Variants in BLK observed in about 807,000 individuals in gnomAD.
BLK encodes BLK proto-oncogene, Src family tyrosine kinase, also known as tyrosine-protein kinase Blk.
Under a neutral mutation model 61.8 loss-of-function variants are expected in BLK, and 64 were observed. That is an observed-to-expected ratio of 1.03 (90% CI 0.85 to 1.27). The LOEUF (loss-of-function observed/expected upper bound fraction) is 1.27. BLK is among the 50% of genes most tolerant of loss of function. The pLI is 0.00. For missense variants in BLK, 853 were observed against 660.5 expected (o/e 1.29, Z -3.19); for synonymous variants, 351 against 272.0 (o/e 1.29, Z -2.86).
chr8:11,503,485 T>C (rs1798643880), intron 1 of BLK, among the ~76,000 whole-genome samples: 1 of 152,178 alleles, frequency 6.6e-6, no homozygotes, highest in Admixed American at 6.5e-5. Flanking sequence ...AGGTGGGACG[T>C]GAGATGCTCT....
At chr8:11,524,118 G>C (rs1240980199) in intron 1 of BLK, among the ~76,000 whole-genome samples, 1 of 152,128 alleles carries the variant, frequency 6.6e-6, no homozygotes, top group Non-Finnish European at 1.5e-5. Flanking sequence ...TTGACCATTA[G>C]TGATTAAATA....
intron 1 of BLK, among the ~76,000 whole-genome samples, chr8:11,495,368 G>C (rs954917709): frequency 7.2e-5 from 11 of 152,314 alleles, no homozygotes; most frequent in African/African-American, 2.6e-4. Flanking sequence ...GGGAGAGTGG[G>C]ACTTAATTCC....
intron 6 of BLK, among the ~76,000 whole-genome samples, chr8:11,550,994 A>G (rs1032222642): frequency 2.6e-5 from 4 of 151,912 alleles, no homozygotes; most frequent in African/African-American, 9.7e-5. Context: ...TCACTCCCCC[A>G]CTTGGGCTCC....
In BLK at chr8:11,559,290, TAC is replaced by T. The variant is rs985559799; in HGVS notation, c.1029+1263_1029+1264del. Among the ~76,000 whole-genome samples, 9 of 151,042 alleles carry T rather than the reference TAC, an allele frequency of 6.0e-5. No homozygotes were observed. In the South Asian group the frequency reaches 1.0e-3, roughly 18 times the overall value. ...GCCAATGGCTCTCTAAGCACACATG[TAC>T]ACACACACACTCTCACACACATAAA... On this transcript the variant is annotated intron_variant, in intron 10 of 12. Coordinates refer to ENST00000259089, the MANE Select transcript of BLK (RefSeq NM_001715.3).
chr8:11,540,369 A>C (rs1800321386), intron 1 of BLK, among the ~76,000 whole-genome samples: 1 of 152,084 alleles, frequency 6.6e-6, no homozygotes, highest in Admixed American at 6.5e-5. Flanking sequence ...TATGTTTTTT[A>C]TTCTGCTCTG....
intron 10 of BLK, chr8:11,558,621 C>G (rs759473976): frequency 3.1e-5 from 14 of 455,530 alleles, no homozygotes; most frequent in Non-Finnish European, 6.2e-5. Flanking sequence ...CTTGGCTACC[C>G]AGGACTGGTC....
intron 1 of BLK, among the ~76,000 whole-genome samples, chr8:11,498,736 T>C (rs1798448238): frequency 6.6e-6 from 1 of 152,206 alleles, no homozygotes; most frequent in Non-Finnish European, 1.5e-5. Context: ...GCCTTACCTG[T>C]CTCGGGTAGG....
chr8:11,514,127 G>C (rs1342933857), intron 1 of BLK, among the ~76,000 whole-genome samples: 1 of 152,178 alleles, frequency 6.6e-6, no homozygotes. Flanking sequence ...AATGAGTGGA[G>C]GAAAATCCTT....
intron 1 of BLK, among the ~76,000 whole-genome samples, chr8:11,520,861 T>C (rs1799422195): frequency 6.6e-6 from 1 of 152,330 alleles, no homozygotes; most frequent in East Asian, 1.9e-4. Context: ...TCAATAGCTT[T>C]CTTTTTTTCA....
chr8:11,526,318 T>A lies in BLK; in HGVS notation c.-1-16906T>A, dbSNP rs545117152. On this transcript the variant is annotated intron_variant, in intron 1 of 12. Transcript: ENST00000259089. ...ATTTAAATGTTTACGTCTCAATTCA[T>A]TAGCTTTAGGCAGTATCTGAAGTTA... is the stretch of plus-strand genomic sequence containing the variant. 2.0e-4 allele frequency among the ~76,000 whole-genome samples: 30 copies of A among 152,354 alleles called. No homozygotes were observed. In the South Asian group the frequency reaches 6.2e-3, roughly 32 times the overall value.
chr8:11,522,353 G>C (rs1369228754), intron 1 of BLK, among the ~76,000 whole-genome samples: 1 of 152,134 alleles, frequency 6.6e-6, no homozygotes, highest in Non-Finnish European at 1.5e-5. Context: ...ACTAATGTTT[G>C]ACAATACGAG....
chr8:11,550,149 C>A lies in BLK; in HGVS notation c.369-10C>A, dbSNP rs750408108. ...CGCTCTGAGTTTCACCTGTTCCTGCCGTTTTCCAGGTGGTTCTTTAGATCA... is the reference window on the plus strand; with the variant it reads ...CGCTCTGAGTTTCACCTGTTCCTGCAGTTTTCCAGGTGGTTCTTTAGATCA... On this transcript the variant is annotated splice_polypyrimidine_tract_variant and intron_variant, in intron 5 of 12. Transcript: ENST00000259089. 1.2e-6 allele frequency: 2 copies of A among 1,613,286 alleles called. No individual in the cohort carries two copies. The highest frequency in any genetic ancestry group is 1.1e-5 in the South Asian group (1 of 91,066).
intron 6 of BLK, among the ~76,000 whole-genome samples, chr8:11,550,703 G>C (rs1040325620): frequency 1.3e-5 from 2 of 152,260 alleles, no homozygotes; most frequent in African/African-American, 4.8e-5. Context: ...TGATGTAAGA[G>C]AAGAGGGTGG....
intron 1 of BLK, among the ~76,000 whole-genome samples, chr8:11,521,146 A>C (rs187000922): frequency 8.5e-5 from 13 of 152,370 alleles, no homozygotes; most frequent in Admixed American, 4.6e-4. Context: ...AGTGATAAGG[A>C]AGGCAATTCA....
intron 1 of BLK, among the ~76,000 whole-genome samples, chr8:11,513,946 C>A (rs1320670270): frequency 6.6e-6 from 1 of 152,210 alleles, no homozygotes; most frequent in Non-Finnish European, 1.5e-5. Context: ...AATAATTCAA[C>A]TCCTTGGTCT....
chr8:11,519,461 C>T (rs758645771), intron 1 of BLK, among the ~76,000 whole-genome samples: 1 of 152,202 alleles, frequency 6.6e-6, no homozygotes, highest in African/African-American at 2.4e-5. Context: ...TATATACATA[C>T]ATCCACATGT....
Position 11,562,973 on chromosome 8 carries a change from C to T in BLK, c.1181-6C>T, listed in dbSNP as rs2117607392. 1 of 1,614,026 alleles carries T rather than the reference C, an allele frequency of 6.2e-7. No homozygotes were observed. The highest frequency in any genetic ancestry group is 8.5e-7 in the Non-Finnish European group (1 of 1,180,006). ...CCTCCCAAAGCTTGCATGGCTTTTC[C>T]CACAGGGGCCAAGTTCCCCATCAAG... On this transcript the variant is annotated splice_polypyrimidine_tract_variant and splice_region_variant and intron_variant, in intron 11 of 12. Coordinates refer to ENST00000259089, the MANE Select transcript of BLK (RefSeq NM_001715.3).
chr8:11,530,872 T>G (rs2264305), intron 1 of BLK, among the ~76,000 whole-genome samples: 149,726 of 152,322 alleles, frequency 0.98, 73,609 homozygotes, highest in East Asian at 1. Flanking sequence ...TATTTCTCTT[T>G]GATAAGCAAC....
intron 11 of BLK, among the ~76,000 whole-genome samples, chr8:11,562,692 G>C (rs919549698): frequency 6.6e-5 from 10 of 152,244 alleles, no homozygotes; most frequent in Admixed American, 3.3e-4. Flanking sequence ...GAAACGTGGT[G>C]GCTGCCCATT....
Sources: allele counts gnomAD v4.1 joint callset (sites outside exome capture counted in the v4.1 genomes callset), GRCh38; gene constraint gnomAD v4.1.1; transcripts MANE v1.5; gene names NCBI Gene and HGNC (gene_info 2026-07-23, HGNC 2026-07-21).